TTC7B: variants seen among roughly 807,000 people sequenced by gnomAD.
TTC7B encodes tetratricopeptide repeat protein 7B.
In TTC7B, 28 loss-of-function variants were observed where a neutral mutation model predicts 106.8. That is an observed-to-expected ratio of 0.26 (90% CI 0.19 to 0.36). The LOEUF (loss-of-function observed/expected upper bound fraction) is 0.36. Among genes scored for constraint, TTC7B ranks in the 10% least tolerant of loss-of-function variants. The pLI, the probability that TTC7B is intolerant of heterozygous loss-of-function variation, is 1.00. For synonymous variants in TTC7B, 405 were observed against 430.6 expected (o/e 0.94, Z 0.74); for missense variants, 862 against 1,076.4 (o/e 0.80, Z 2.79).
intron 19 of TTC7B, among the ~76,000 whole-genome samples, chr14:90,555,952 G>A (rs866497362): frequency 7.9e-5 from 12 of 152,222 alleles, no homozygotes; most frequent in Non-Finnish European, 1.6e-4. Context: ...GGGGAATCCC[G>A]GTGCCCCGGG....
rs77018145 is a variant in TTC7B at position 90,526,447 on chromosome 14, T to C, written c.*14921A>G. The C allele has an allele frequency of 0.029, 4,357 of 152,384 alleles. 122 individuals are homozygous for C. Among genetic ancestry groups the C allele is most frequent in the East Asian group, 0.16 (856 of 5,194 alleles). 9.4% of individuals were successfully genotyped at this position (152,384 alleles called of 1,614,324 possible). On this transcript the variant is annotated 3_prime_UTR_variant, in exon 20 of 20. Transcript: ENST00000328459. ...CCCCTAATATAACCTTTATGTTACC[T>C]GGCACATTTGTGCCAACAATGGAAC...
chr14:90,618,686 C>G (rs1337902427), intron 15 of TTC7B, among the ~76,000 whole-genome samples: 1 of 152,226 alleles, frequency 6.6e-6, no homozygotes, highest in East Asian at 1.9e-4. Flanking sequence ...TCAGAATGTT[C>G]TCTCTTTCGT....
intron 19 of TTC7B, among the ~76,000 whole-genome samples, chr14:90,552,392 C>A (rs1458524011): frequency 6.6e-6 from 1 of 152,206 alleles, no homozygotes; most frequent in East Asian, 1.9e-4. Flanking sequence ...CCCAGTTTCC[C>A]CAAAGGCCAA....
intron 5 of TTC7B, among the ~76,000 whole-genome samples, chr14:90,708,125 G>T (rs959659588): frequency 7.8e-6 from 1 of 127,600 alleles, no homozygotes; most frequent in African/African-American, 3.1e-5. Flanking sequence ...CAGCCCAGGC[G>T]ACAGTGCGAG....
intron 3 of TTC7B, chr14:90,766,443 A>G: frequency 1.7e-6 from 1 of 604,196 alleles, no homozygotes; most frequent in Non-Finnish European, 3.0e-6. Context: ...ACAAAATTGA[A>G]ATGTCAAAAA....
chr14:90,724,298 A>C (rs6575143), intron 5 of TTC7B, among the ~76,000 whole-genome samples: 14,223 of 152,144 alleles, frequency 0.093, 1,735 homozygotes, highest in African/African-American at 0.29. Flanking sequence ...TTCTCCATGA[A>C]TTCTAGGAGG....
At chr14:90,706,933 A>G (rs1888235588) in intron 5 of TTC7B, among the ~76,000 whole-genome samples, 1 of 152,270 alleles carries the variant, frequency 6.6e-6, no homozygotes, top group Admixed American at 6.5e-5. Context: ...ATATACATAC[A>G]CACACATACA....
chr14:90,555,623 C>T (rs12889650), intron 19 of TTC7B, among the ~76,000 whole-genome samples: 47,639 of 152,174 alleles, frequency 0.31, 8,795 homozygotes, highest in Admixed American at 0.42. Flanking sequence ...CCAGCCCAGC[C>T]GCCTAACCCA....
chr14:90,565,807 T>C (rs1222686762), intron 19 of TTC7B, among the ~76,000 whole-genome samples: 2 of 152,096 alleles, frequency 1.3e-5, no homozygotes, highest in Admixed American at 6.6e-5. Context: ...TCAATATTAC[T>C]GTGTCTCAGG....
At chr14:90,598,654 A>G (rs1595192240) in intron 17 of TTC7B, among the ~76,000 whole-genome samples, 1 of 152,004 alleles carries the variant, frequency 6.6e-6, no homozygotes, top group African/African-American at 2.4e-5. Context: ...CTGTTGAGAA[A>G]CCCTGCCTGC....
intron 19 of TTC7B, among the ~76,000 whole-genome samples, chr14:90,568,994 TC>T (rs992561567): frequency 2.6e-5 from 4 of 152,054 alleles, no homozygotes; most frequent in Non-Finnish European, 5.9e-5. Context: ...CACCAGTACC[TC>T]CCCCCACTCA....
Position 90,647,039 on chromosome 14 carries a change from C to T in TTC7B, c.1518-16G>A, listed in dbSNP as rs201089843. ...GCTGTGGGCCCTGAAAAAGTATTTACGGCTATTAGTACATGGGAGAGGAGG... is the reference window on the plus strand; with the variant it reads ...GCTGTGGGCCCTGAAAAAGTATTTATGGCTATTAGTACATGGGAGAGGAGG... On this transcript the variant is annotated splice_polypyrimidine_tract_variant and intron_variant, in intron 13 of 19. Transcript: ENST00000328459. 44 of 1,613,550 alleles carry T rather than the reference C, an allele frequency of 2.7e-5. No individual in the cohort carries two copies. The highest frequency in any genetic ancestry group is 3.4e-5 in the Non-Finnish European group (40 of 1,179,492).
intron 19 of TTC7B, among the ~76,000 whole-genome samples, chr14:90,574,045 C>G (rs1404254721): frequency 6.6e-6 from 1 of 152,188 alleles, no homozygotes; most frequent in African/African-American, 2.4e-5. Flanking sequence ...TGTCCCTGTC[C>G]TGGTGATTTT....
At chr14:90,735,259 A>C (rs749519346) in intron 4 of TTC7B, among the ~76,000 whole-genome samples, 15 of 152,210 alleles carry the variant, frequency 9.9e-5, no homozygotes, top group East Asian at 1.9e-4. Flanking sequence ...TAATCCCAAC[A>C]CTTTGAGAGG....
At chr14:90,746,468 G>C (rs959090191) in intron 3 of TTC7B, among the ~76,000 whole-genome samples, 1 of 152,022 alleles carries the variant, frequency 6.6e-6, no homozygotes, top group African/African-American at 2.4e-5. Flanking sequence ...TTTTCTTCCT[G>C]ATATCAGAGG....
In TTC7B at chr14:90,775,068, G is replaced by A. The variant is rs117518388; in HGVS notation, c.445+5670C>T. ...CAAAAAAAAAAAAAAAATTCTCCCC[G>A]TAAATGTAGGGATCCCAGGTCCCAC... On this transcript the variant is annotated intron_variant, in intron 3 of 19. Transcript: ENST00000328459. Among the ~76,000 whole-genome samples, 364 of 150,648 alleles carry A rather than the reference G, an allele frequency of 2.4e-3. 10 individuals are homozygous for A. In the East Asian group the frequency reaches 0.063, roughly 26 times the overall value.
At position 90,676,506 on chromosome 14, in the gene TTC7B, A is replaced by G. The variant is rs756155577; in HGVS notation, c.1152+17T>C. The G allele has an allele frequency of 1.2e-6, 2 of 1,612,534 alleles. No homozygotes were observed. The highest frequency in any genetic ancestry group is 2.2e-5 in the South Asian group (2 of 90,996). On this transcript the variant is annotated intron_variant, in intron 9 of 19. Transcript: ENST00000328459. ...GCCACCCACCACCTGGATGTCAACC[A>G]GACTCAGCAGCTGTACCTCTGACAG... is the stretch of plus-strand genomic sequence containing the variant.
chr14:90,756,829 G>A (rs1890317317), intron 3 of TTC7B, among the ~76,000 whole-genome samples: 1 of 113,342 alleles, frequency 8.8e-6, no homozygotes, highest in Non-Finnish European at 1.8e-5. Context: ...GACTCTCTAA[G>A]TCCCTGCTTG....
chr14:90,613,677 T>C (rs1017723294), intron 16 of TTC7B, among the ~76,000 whole-genome samples: 4 of 152,124 alleles, frequency 2.6e-5, no homozygotes, highest in African/African-American at 9.7e-5. Context: ...ACCCATTTCC[T>C]CCTCATAGCC....
Sources: gnomAD v4.1 joint callset for allele counts (sites outside exome capture counted in the v4.1 genomes callset) on GRCh38, gnomAD v4.1.1 for gene constraint, MANE v1.5 for transcripts, NCBI Gene and HGNC (gene_info 2026-07-23, HGNC 2026-07-21) for gene names.